Variants in NBPF11 observed in about 807,000 individuals in gnomAD.
NBPF11 encodes NBPF member 11, also known as NBPF family member NBPF11.
Under a neutral mutation model 93.9 loss-of-function variants are expected in NBPF11, and 72 were observed. The observed-to-expected ratio is 0.77, with a 90% CI of 0.63 to 0.93. The LOEUF is 0.93. Ranked by LOEUF, NBPF11 falls within the 40% of genes least tolerant of loss-of-function variation. The pLI is 0.00. For missense variants in NBPF11, 705 were observed against 802.2 expected, an observed-to-expected ratio of 0.88 and a Z score of 1.46; for synonymous variants, 224 against 304.9, an observed-to-expected ratio of 0.73 and a Z score of 2.76.
In NBPF11 at chr1:148,108,842, GACACACACACACACAC is replaced by G. The variant is rs71270029; in HGVS notation, c.1854-204_1854-189del. Among the ~76,000 whole-genome samples the G allele has an allele frequency of 4.0e-3, 453 of 112,588 alleles. 4 individuals carry two copies. The highest frequency in any genetic ancestry group is 8.8e-3 in the East Asian group (31 of 3,520). The allele number at this position is 112,588 out of a possible 152,430, so 73.9% of individuals were successfully genotyped here. ...CAGGTAGAAAAGGATGAAAGAGAAA[GACACACACACACACAC>G]ACACACACACACACACACACACACA... On this transcript the variant is annotated intron_variant, in intron 17 of 23. Coordinates refer to ENST00000682118, the MANE Select transcript of NBPF11 (RefSeq NM_001385469.3).
In NBPF11 at chr1:148,102,640, A is replaced by T. The variant is rs1490426967; in HGVS notation, c.*1256T>A. 3 of 150,944 alleles carry T rather than the reference A, an allele frequency of 2.0e-5. No homozygotes were observed. Among genetic ancestry groups the T allele is most frequent in the African/African-American group, 4.9e-5 (2 of 40,472 alleles). The allele number at this position is 150,944 out of a possible 1,614,324, so 9.4% of individuals were successfully genotyped here. ...ATTTTCAGACAACTTCAGAATGTAGATCATTGAGCCAGACAGCTGACCTGT... is the reference window on the plus strand; with the variant it reads ...ATTTTCAGACAACTTCAGAATGTAGTTCATTGAGCCAGACAGCTGACCTGT... On this transcript the variant is annotated 3_prime_UTR_variant, in exon 24 of 24. Transcript: ENST00000682118.
rs1450772923 is a variant in NBPF11 at position 148,146,873 on chromosome 1, G to A, written c.-548-3187C>T. On this transcript the variant is annotated intron_variant, in intron 1 of 23. Transcript: ENST00000682118. ...GCCAGCTCGGGCAGGCCTTCCGAGA[G>A]GAACCTCTATGCCGACATCGACGCC... 8.9e-5 allele frequency: 144 copies of A among 1,613,734 alleles called. 3 individuals carry two copies. The African/African-American group carries it at 1.8e-3, about 21-fold the overall frequency.
In NBPF11 at chr1:148,126,883, T is replaced by A; in HGVS notation, c.121A>T (p.Arg41Ter). 6.9e-7 allele frequency: 1 copy of A among 1,459,854 alleles called. No individual in the cohort carries two copies. Among genetic ancestry groups the A allele is most frequent in the South Asian group, 1.1e-5 (1 of 87,200 alleles). The allele number at this position is 1,459,854 out of a possible 1,614,324, so 90.4% of individuals were successfully genotyped here. A position where few individuals can be genotyped will look rare whatever the true frequency, so the allele number is the denominator to read the frequency against. ...NKQQFRNLKE[R>*]CFLTQLAGFL... ...CCGGCCAGTTGAGTTAGAAAACATC[T>A]CTCTTTGAGGTTTCTGAACTGCTGT... Residue 41 changes from arginine (R) to a stop codon, truncating the protein, a stop_gained, in exon 5 of 24, where the codon AGA becomes TGA. Coordinates refer to ENST00000682118, the MANE Select transcript of NBPF11 (RefSeq NM_001385469.3). LOFTEE classifies it high-confidence loss of function.
Position 148,108,535 on chromosome 1 carries a change from C to G in NBPF11, c.1973G>C (p.Ser658Thr). Reference sequence around the variant, plus strand: ...CTGTTGCTCCAATACGTAAAAGGCACTTCTGTAGGGCTGGCATGAGTCAGT... The same window carrying G: ...CTGTTGCTCCAATACGTAAAAGGCAGTTCTGTAGGGCTGGCATGAGTCAGT... The part of the protein sequence containing the change: ...GLTDSCQPYR[S>T]AFYVLEQQRI... Residue 658 changes from serine (S) to threonine (T), a missense_variant, in exon 18 of 24, where the codon AGT becomes ACT. This residue lies in a region of NBPF11 where 97 missense variants were observed against 65.0 expected (regional missense o/e 1.49). Transcript: ENST00000682118. 6.2e-7 allele frequency: 1 copy of G among 1,602,638 alleles called. No individual in the cohort carries two copies. The highest frequency in any genetic ancestry group is 8.5e-7 in the Non-Finnish European group (1 of 1,172,236).
chr1:148,113,102 C>G (rs1260833541), intron 15 of NBPF11, among the ~76,000 whole-genome samples: 1 of 152,004 alleles, frequency 6.6e-6, no homozygotes, highest in East Asian at 1.9e-4. Context: ...ACGACAGGAT[C>G]AAATTCACAC....
chr1:148,115,840 C>G lies in NBPF11; in HGVS notation c.1538G>C (p.Gly513Ala). ...EEDKVDSTLI[G>A]SSSHVEWEDA... ...CTCCCATTCAACATGAGAGGATGAGCCAATGAGAGTTGAGTCGACTTTGTC... is the reference window on the plus strand; with the variant it reads ...CTCCCATTCAACATGAGAGGATGAGGCAATGAGAGTTGAGTCGACTTTGTC... Residue 513 changes from glycine to alanine, a missense_variant, in exon 14 of 24, where the codon GGC becomes GCC. Transcript: ENST00000682118. 6.3e-7 allele frequency: 1 copy of G among 1,585,210 alleles called. No homozygotes were observed. Among genetic ancestry groups the G allele is most frequent in the Non-Finnish European group, 8.6e-7 (1 of 1,163,824 alleles).
At chr1:148,122,347 C>G (rs1668064567) in intron 8 of NBPF11, 81 bp from the exon 9 acceptor site, 2 of 1,602,704 alleles carry the variant, frequency 1.2e-6, no homozygotes, top group Admixed American at 3.3e-5. Flanking sequence ...CTGGTTTTGA[C>G]AAGCGGCATT....
rs4079774 is a variant in NBPF11, at chr1:148,152,170, T to C, written c.-969A>G. 20,117 of 152,222 alleles carry C rather than the reference T, an allele frequency of 0.13. 1,559 individuals are homozygous for C. The highest frequency in any genetic ancestry group is 0.28 in the East Asian group (1,451 of 5,170). The allele number at this position is 152,222 out of a possible 1,614,324, so 9.4% of individuals were successfully genotyped here. A position where few individuals can be genotyped will look rare whatever the true frequency, so the allele number is the denominator to read the frequency against. ...CGCCTCTCTTTCAAAGCACCAGCCC[T>C]TGACCCTGCAATTCGCTGATTTCCC... On this transcript the variant is annotated 5_prime_UTR_variant, in exon 1 of 24. Coordinates refer to ENST00000682118, the MANE Select transcript of NBPF11 (RefSeq NM_001385469.3).
Position 148,149,214 on chromosome 1 carries a change from T to C in NBPF11, c.-549+2536A>G, listed in dbSNP as rs1647591149. ...CTGTACGGGCAGAGCATCGGCACGG[T>C]GCCCACCATGGACCTGGCCTCGCGC... On this transcript the variant is annotated intron_variant, in intron 1 of 23. Transcript: ENST00000682118. 4 of 1,548,230 alleles carry C rather than the reference T, an allele frequency of 2.6e-6. 1 individual carries two copies. The Middle Eastern group carries it at 7.0e-4, about 270-fold the overall frequency.
At chr1:148,104,198 C>G (rs1240481690) in intron 23 of NBPF11, among the ~76,000 whole-genome samples, 1 of 144,222 alleles carries the variant, frequency 6.9e-6, no homozygotes, top group East Asian at 2.1e-4. Context: ...GTAAGGGAGT[C>G]AAAGGACACT....
At chr1:148,103,993 A>C (rs1484055046) in intron 23 of NBPF11, 81 bp from the exon 24 acceptor site, 1 of 1,608,888 alleles carries the variant, frequency 6.2e-7, no homozygotes, top group African/African-American at 1.3e-5. Flanking sequence ...GAAGTAACAT[A>C]AGGAAGTGGT....
At chr1:148,140,690 AAAC>A (rs1259045807) in intron 2 of NBPF11, among the ~76,000 whole-genome samples, 3 of 152,062 alleles carry the variant, frequency 2.0e-5, no homozygotes, top group African/African-American at 7.3e-5. Flanking sequence ...TTGCACATTA[AAAC>A]AACGAGATAT....
intron 6 of NBPF11, among the ~76,000 whole-genome samples, 168 bp downstream of exon 6, chr1:148,124,731 C>G (rs1668682146): frequency 6.6e-6 from 1 of 152,126 alleles, no homozygotes. Context: ...CAACACAGAA[C>G]TTATTATTAT....
In NBPF11 at chr1:148,120,513, G is replaced by A; in HGVS notation, c.976C>T (p.Gln326Ter). 1 of 913,604 alleles carries A rather than the reference G, an allele frequency of 1.1e-6. No individual in the cohort carries two copies. Among genetic ancestry groups the A allele is most frequent in the Non-Finnish European group, 1.8e-6 (1 of 540,830 alleles). 56.6% of individuals were successfully genotyped at this position (913,604 alleles called of 1,614,324 possible). A position where few individuals can be genotyped will look rare whatever the true frequency, so the allele number is the denominator to read the frequency against. ...ATATAGATCTTACTGTATTTGTTCTGCTGCTTGGCCAGGAAGCAGGCCACT... is the reference window on the plus strand; with the variant it reads ...ATATAGATCTTACTGTATTTGTTCTACTGCTTGGCCAGGAAGCAGGCCACT... Reference protein sequence around the residue: ...TQVACFLAKQQNKYKYEECKD... With the variant: ...TQVACFLAKQ The change falls in exon 10 of 24, where the codon CAG becomes TAG. Residue 326 changes from glutamine to a stop codon, truncating the protein, a stop_gained. Transcript: ENST00000682118. LOFTEE classifies it high-confidence loss of function.
At chr1:148,145,724 C>CA (rs1672890731) in intron 1 of NBPF11, among the ~76,000 whole-genome samples, 1 of 151,062 alleles carries the variant, frequency 6.6e-6, no homozygotes, top group South Asian at 2.1e-4. Flanking sequence ...AGTAAAAATA[C>CA]AAAAAACAGC....
chr1:148,146,697 C>T (rs1553276909), intron 1 of NBPF11: 1 of 1,611,918 alleles, frequency 6.2e-7, no homozygotes, highest in African/African-American at 1.3e-5. Flanking sequence ...GTGTCTCCTG[C>T]ATGTATGTTC....
At chr1:148,132,140 G>A (rs1670453697) in intron 4 of NBPF11, among the ~76,000 whole-genome samples, 1 of 142,336 alleles carries the variant, frequency 7.0e-6, no homozygotes, top group Admixed American at 6.8e-5. Flanking sequence ...ATATGTGTGT[G>A]TGTGTATATA....
Position 148,149,649 on chromosome 1 carries a change from G to A in NBPF11, c.-549+2101C>T, listed in dbSNP as rs1346234159. The A allele has an allele frequency of 3.2e-5, 42 of 1,295,240 alleles. 1 individual carries two copies. The East Asian group carries it at 1.1e-3, about 32-fold the overall frequency. The allele number at this position is 1,295,240 out of a possible 1,614,324, so 80.2% of individuals were successfully genotyped here. ...GCCGGCCCCCACCCAGGGGCTGCAT[G>A]TGGACCCCCCCGGGCGGCCCAGGGG... On this transcript the variant is annotated intron_variant, in intron 1 of 23. Transcript: ENST00000682118.
rs1301146228 is a variant in NBPF11, at chr1:148,140,903, A to C, written c.-277+2512T>G. 7.0e-4 allele frequency among the ~76,000 whole-genome samples: 106 copies of C among 152,034 alleles called. 3 individuals carry two copies. The South Asian group carries it at 0.021, about 31-fold the overall frequency. On this transcript the variant is annotated intron_variant, in intron 2 of 23. Transcript: ENST00000682118. The stretch of plus-strand genomic sequence containing the variant: ...TAATTGTCAAAACTTGGAAGTACCC[A>C]AGACGTCTTTCACCAAGTGAATGAA...
Sources: allele counts gnomAD v4.1 joint callset (sites outside exome capture counted in the v4.1 genomes callset), GRCh38; gene constraint gnomAD v4.1.1; regional missense constraint gnomAD v4.1.1; transcripts MANE v1.5; gene names NCBI Gene and HGNC (gene_info 2026-07-23, HGNC 2026-07-21).